Variants in TMTC2 observed in about 807,000 individuals in gnomAD.
TMTC2 encodes the protein transmembrane O-mannosyltransferase targeting cadherins 2, also known as protein O-mannosyl-transferase TMTC2.
A neutral mutation model predicts 82.4 loss-of-function variants in TMTC2; 43 were observed. The ratio of observed to expected loss-of-function variants is 0.52; its 90% CI spans 0.41 to 0.67. TMTC2 has a LOEUF of 0.67. Ranked by LOEUF, TMTC2 falls within the 30% of genes least tolerant of loss-of-function variation. The pLI, the probability that TMTC2 is intolerant of heterozygous loss-of-function variation, is 0.00. For missense variants in TMTC2, 919 were observed against 1,012.4 expected (o/e 0.91, Z 1.25); for synonymous variants, 408 against 381.9 (o/e 1.07, Z -0.80).
Position 82,719,327 on chromosome 12 carries a change from C to G in TMTC2, c.83+31658C>G, listed in dbSNP as rs187853935. Among the ~76,000 whole-genome samples, 403 of 151,702 alleles carry G rather than the reference C, an allele frequency of 2.7e-3. 2 individuals are homozygous for G. The highest frequency in any genetic ancestry group is 9.2e-3 in the African/African-American group (382 of 41,378). On this transcript the variant is annotated intron_variant, in intron 1 of 11. Transcript: ENST00000321196. ...CAGGCTAGTCTCTAACTCCTGACCT[C>G]GTGATCCACCCGCCTTGGCCTCCCA...
At chr12:82,795,892 G>A (rs1326273991) in intron 1 of TMTC2, among the ~76,000 whole-genome samples, 1 of 152,102 alleles carries the variant, frequency 6.6e-6, no homozygotes, top group Non-Finnish European at 1.5e-5. Flanking sequence ...TGTTATAGAA[G>A]GACAAAGCAA....
At chr12:82,764,001 T>C (rs1876799788) in intron 1 of TMTC2, among the ~76,000 whole-genome samples, 1 of 152,344 alleles carries the variant, frequency 6.6e-6, no homozygotes, top group East Asian at 1.9e-4. Context: ...AATATTAATA[T>C]ATCATACTGT....
intron 1 of TMTC2, among the ~76,000 whole-genome samples, chr12:82,721,912 T>C (rs543441565): frequency 1.3e-5 from 2 of 152,300 alleles, no homozygotes; most frequent in East Asian, 3.9e-4. Context: ...AATGAAGAAA[T>C]TGAGATCCTG....
chr12:82,948,016 G>C (rs1592649388), intron 4 of TMTC2, among the ~76,000 whole-genome samples: 2 of 152,292 alleles, frequency 1.3e-5, no homozygotes, highest in East Asian at 3.9e-4. Context: ...ACTGAGTTCA[G>C]TGAAGGGGGC....
intron 1 of TMTC2, among the ~76,000 whole-genome samples, chr12:82,764,978 G>GGGT: frequency 6.7e-6 from 1 of 149,888 alleles, no homozygotes. Flanking sequence ...GGTGGGCGGG[G>GGGT]GGGTGACTGC....
chr12:82,948,211 C>G (rs776299961), intron 4 of TMTC2, among the ~76,000 whole-genome samples: 1 of 151,956 alleles, frequency 6.6e-6, no homozygotes, highest in Non-Finnish European at 1.5e-5. Flanking sequence ...ATTTAAAAAG[C>G]AAAAATAGCC....
intron 4 of TMTC2, among the ~76,000 whole-genome samples, chr12:82,946,321 A>T (rs1796168): frequency 0.92 from 139,807 of 152,302 alleles, 64,271 homozygotes; most frequent in East Asian, 1. Context: ...TCAATAAATA[A>T]TAGTTGCATG....
chr12:82,917,554 A>G (rs2137221424), intron 3 of TMTC2, among the ~76,000 whole-genome samples: 1 of 152,190 alleles, frequency 6.6e-6, no homozygotes, highest in East Asian at 1.9e-4. Context: ...GAGAGATCAC[A>G]TATGCATACA....
At chr12:83,103,450 C>T (rs77662038) in intron 11 of TMTC2, among the ~76,000 whole-genome samples, 4,227 of 152,110 alleles carry the variant, frequency 0.028, 94 homozygotes, top group East Asian at 0.067. Flanking sequence ...GGCCTCAAGG[C>T]GCTTTTTCGG....
Position 82,964,508 on chromosome 12 carries a change from T to C in TMTC2, c.1599-516T>C, listed in dbSNP as rs1192026544. 4.6e-5 allele frequency among the ~76,000 whole-genome samples: 7 copies of C among 152,156 alleles called. No individual in the cohort carries two copies. In the South Asian group the frequency reaches 1.4e-3, roughly 31 times the overall value. On this transcript the variant is annotated intron_variant, in intron 4 of 11. Transcript: ENST00000321196. The stretch of plus-strand genomic sequence containing the variant: ...AGCCTTCAGTCTTTTTTGTTGTTGT[T>C]CTTTTTTGGCGTCTGATTAAACTGT...
At chr12:82,760,135 G>A (rs1876533401) in intron 1 of TMTC2, 1 of 151,870 alleles carries the variant, frequency 6.6e-6, no homozygotes, top group African/African-American at 2.4e-5. Flanking sequence ...AACTAACCAA[G>A]TAAATTTGGG....
intron 1 of TMTC2, among the ~76,000 whole-genome samples, chr12:82,756,087 C>G (rs552946246): frequency 1.3e-5 from 2 of 152,176 alleles, no homozygotes; most frequent in East Asian, 3.9e-4. Context: ...CTTTGAATGT[C>G]ATAAAATTAT....
At chr12:82,840,166 A>G (rs577600006) in intron 1 of TMTC2, among the ~76,000 whole-genome samples, 11 of 152,348 alleles carry the variant, frequency 7.2e-5, no homozygotes, top group African/African-American at 2.6e-4. Context: ...ACTGTGCGTC[A>G]TGCACTGTGC....
At chr12:82,795,544 G>A (rs1473434175) in intron 1 of TMTC2, among the ~76,000 whole-genome samples, 1 of 152,012 alleles carries the variant, frequency 6.6e-6, no homozygotes, top group African/African-American at 2.4e-5. Flanking sequence ...TTAACAATAT[G>A]ATGTCAACTA....
At chr12:82,925,696 A>G (rs987174775) in intron 3 of TMTC2, among the ~76,000 whole-genome samples, 1 of 152,192 alleles carries the variant, frequency 6.6e-6, no homozygotes, top group Non-Finnish European at 1.5e-5. Context: ...CATTGTGACT[A>G]TGCCCATATA....
intron 7 of TMTC2, among the ~76,000 whole-genome samples, chr12:82,984,057 T>TA (rs951685737): frequency 2.7e-5 from 4 of 149,370 alleles, no homozygotes; most frequent in African/African-American, 5.1e-5. Context: ...TTATGGAAAT[T>TA]AAAAAAACAA....
At chr12:82,823,204 T>C (rs1011213133) in intron 1 of TMTC2, among the ~76,000 whole-genome samples, 9 of 152,230 alleles carry the variant, frequency 5.9e-5, no homozygotes, top group Non-Finnish European at 8.8e-5. Flanking sequence ...GGGAAATCTT[T>C]CTAAAACGTA....
At chr12:82,756,289 A>G (rs780849784) in intron 1 of TMTC2, among the ~76,000 whole-genome samples, 25 of 152,152 alleles carry the variant, frequency 1.6e-4, no homozygotes, top group Non-Finnish European at 2.8e-4. Context: ...AAATTTTTCC[A>G]TGTATATGAA....
chr12:82,975,663 G>T (rs780372913), intron 7 of TMTC2, among the ~76,000 whole-genome samples: 18 of 152,024 alleles, frequency 1.2e-4, no homozygotes, highest in Non-Finnish European at 2.2e-4. Flanking sequence ...GCCTATTATG[G>T]AGATATAGTG....
Sources: allele counts gnomAD v4.1 joint callset (sites outside exome capture counted in the v4.1 genomes callset), GRCh38; gene constraint gnomAD v4.1.1; transcripts MANE v1.5; gene names NCBI Gene and HGNC (gene_info 2026-07-23, HGNC 2026-07-21).